The following MCUB variants were observed in gnomAD, a reference collection of about 807,000 sequenced individuals.
The protein encoded by MCUB is calcium uniporter regulatory subunit MCUb, mitochondrial.
Under a neutral mutation model 41.4 loss-of-function variants are expected in MCUB, and 46 were observed. The observed-to-expected ratio is 1.11, with a 90% CI of 0.88 to 1.42. The LOEUF (loss-of-function observed/expected upper bound fraction) is 1.42. Ranked by LOEUF, MCUB falls within the 40% of genes most tolerant of loss-of-function variation. MCUB has a pLI of 0.00. For missense variants in MCUB, 403 were observed against 404.9 expected, an observed-to-expected ratio of 1.00 and a Z score of 0.04; for synonymous variants, 148 against 148.2, an observed-to-expected ratio of 1.00 and a Z score of 0.01.
chr4:109,677,306 C>T (rs1729595814), intron 4 of MCUB, among the ~76,000 whole-genome samples: 1 of 152,110 alleles, frequency 6.6e-6, no homozygotes, highest in Non-Finnish European at 1.5e-5. Flanking sequence ...ATTTCAGACT[C>T]ACAGCTGGAG....
chr4:109,586,429 A>G (rs1185690735), intron 1 of MCUB, among the ~76,000 whole-genome samples: 1 of 152,154 alleles, frequency 6.6e-6, no homozygotes, highest in African/African-American at 2.4e-5. Context: ...GTTTGTTATT[A>G]CTGACCTTCT....
chr4:109,607,311 G>A (rs772342281), intron 1 of MCUB, among the ~76,000 whole-genome samples: 5 of 151,714 alleles, frequency 3.3e-5, no homozygotes, highest in African/African-American at 4.8e-5. Context: ...TCTGCCTCTC[G>A]GGTTCAAGCA....
intron 1 of MCUB, among the ~76,000 whole-genome samples, chr4:109,600,123 C>T (rs1561222885): frequency 4.6e-5 from 7 of 152,208 alleles, no homozygotes; most frequent in Admixed American, 3.9e-4. Flanking sequence ...AACCCATTTC[C>T]ACTGTTGGAA....
rs56019885 is a variant in MCUB at position 109,635,821 on chromosome 4, T to C, written c.100-23190T>C. Reference sequence around the variant, plus strand: ...AAAAGCCCTGGTGTTTCTCCACTCATCCGAGCCGTATCATTTGTACTGATG... The same window carrying C: ...AAAAGCCCTGGTGTTTCTCCACTCACCCGAGCCGTATCATTTGTACTGATG... On this transcript the variant is annotated intron_variant, in intron 1 of 7. Transcript: ENST00000394650. Among the ~76,000 whole-genome samples, 378 of 152,326 alleles carry C rather than the reference T, an allele frequency of 2.5e-3. 4 individuals carry two copies. The highest frequency in any genetic ancestry group is 8.7e-3 in the African/African-American group (360 of 41,558).
Position 109,653,669 on chromosome 4 carries a change from C to T in MCUB, c.100-5342C>T, listed in dbSNP as rs180800455. The stretch of plus-strand genomic sequence containing the variant: ...TTGGCTTACTGCAAACTCCACCTCC[C>T]GGGTTCGAGTGAGTCTTCTGCCTCA... On this transcript the variant is annotated intron_variant, in intron 1 of 7. Coordinates refer to ENST00000394650, the MANE Select transcript of MCUB (RefSeq NM_017918.5). Among the ~76,000 whole-genome samples, 28 of 152,112 alleles carry T rather than the reference C, an allele frequency of 1.8e-4. 1 individual carries two copies. Among genetic ancestry groups the T allele is most frequent in the African/African-American group, 5.3e-4 (22 of 41,522 alleles).
At chr4:109,680,947 A>G (rs1729701406) in intron 4 of MCUB, among the ~76,000 whole-genome samples, 1 of 152,190 alleles carries the variant, frequency 6.6e-6, no homozygotes. Context: ...TTTTATATGG[A>G]CTTATAAACC....
chr4:109,614,563 T>C (rs1054658372), intron 1 of MCUB, among the ~76,000 whole-genome samples: 2 of 151,360 alleles, frequency 1.3e-5, no homozygotes, highest in African/African-American at 4.9e-5. Context: ...CTAATGAACT[T>C]CCAAGCCTCC....
chr4:109,595,477 A>C (rs1727532582), intron 1 of MCUB, among the ~76,000 whole-genome samples: 1 of 140,382 alleles, frequency 7.1e-6, no homozygotes, highest in Non-Finnish European at 1.6e-5. Context: ...AAGAATGGAA[A>C]ATTAGAAAAA....
At chr4:109,584,331 C>T (rs374152021) in intron 1 of MCUB, among the ~76,000 whole-genome samples, 1 of 151,768 alleles carries the variant, frequency 6.6e-6, no homozygotes, top group East Asian at 1.9e-4. Flanking sequence ...CTACTTGATT[C>T]TTCTCTCTCT....
intron 1 of MCUB, among the ~76,000 whole-genome samples, chr4:109,657,353 A>G (rs1337062034): frequency 6.6e-6 from 1 of 151,910 alleles, no homozygotes; most frequent in Non-Finnish European, 1.5e-5. Flanking sequence ...TTACTTATTG[A>G]TGAGGTTCTT....
At chr4:109,685,491 A>G (rs187968766) in intron 7 of MCUB, 124 bp downstream of exon 7, 1 of 512,736 alleles carries the variant, frequency 2.0e-6, no homozygotes, top group Non-Finnish European at 3.5e-6. Flanking sequence ...GTGTTGTGGG[A>G]TTGTTCATTG....
chr4:109,575,550 T>C (rs1727007541), intron 1 of MCUB, among the ~76,000 whole-genome samples: 2 of 152,206 alleles, frequency 1.3e-5, no homozygotes, highest in Non-Finnish European at 2.9e-5. Context: ...TTATTCAATT[T>C]AGTGGGATTG....
At chr4:109,668,895 G>A (rs957096295) in intron 4 of MCUB, among the ~76,000 whole-genome samples, 4 of 151,680 alleles carry the variant, frequency 2.6e-5, no homozygotes, top group East Asian at 3.9e-4. Context: ...ATTGCTTCAC[G>A]GCTAGTGCAA....
intron 1 of MCUB, among the ~76,000 whole-genome samples, chr4:109,636,041 G>A (rs1171646784): frequency 6.6e-6 from 1 of 152,188 alleles, no homozygotes; most frequent in Non-Finnish European, 1.5e-5. Context: ...CAACAGTAGT[G>A]TACAAAAGTT....
At chr4:109,658,477 A>G (rs1445911074) in intron 1 of MCUB, among the ~76,000 whole-genome samples, 2 of 152,018 alleles carry the variant, frequency 1.3e-5, no homozygotes, top group Non-Finnish European at 2.9e-5. Flanking sequence ...TTGTATTTTT[A>G]GTGGAGACAG....
At chr4:109,686,964 GT>G (rs149021049) in intron 7 of MCUB, among the ~76,000 whole-genome samples, 26 of 148,566 alleles carry the variant, frequency 1.8e-4, no homozygotes, top group East Asian at 1.6e-3. Context: ...TAGGTTAAGG[GT>G]TTTTTTTTTA....
Position 109,577,899 on chromosome 4 carries a change from C to T in MCUB, c.99+17463C>T, listed in dbSNP as rs183573553. Among the ~76,000 whole-genome samples the T allele has an allele frequency of 7.0e-5, 2 of 28,524 alleles. 1 individual carries two copies. The highest frequency in any genetic ancestry group is 2.1e-3 in the East Asian group (2 of 962). 18.7% of individuals were successfully genotyped at this position (28,524 alleles called of 152,430 possible). On this transcript the variant is annotated intron_variant, in intron 1 of 7. Transcript: ENST00000394650. ...TGCTGGGATTACAGGTGTGAGCCAC[C>T]GCGCCCGGCCGGGTACTTGAATTCT...
chr4:109,684,723 G>T, intron 6 of MCUB, 77 bp downstream of exon 6: 1 of 718,086 alleles, frequency 1.4e-6, no homozygotes, highest in Non-Finnish European at 2.4e-6. Context: ...GAGCAAAAAA[G>T]CCTTTTTATT....
At chr4:109,630,661 A>G (rs1728455646) in intron 1 of MCUB, among the ~76,000 whole-genome samples, 1 of 152,086 alleles carries the variant, frequency 6.6e-6, no homozygotes, top group Admixed American at 6.5e-5. Flanking sequence ...GGCTCACCGC[A>G]ACCTCTGCCT....
Sources: gnomAD v4.1 joint callset for allele counts (sites outside exome capture counted in the v4.1 genomes callset) on GRCh38, gnomAD v4.1.1 for gene constraint, MANE v1.5 for transcripts, NCBI Gene and HGNC (gene_info 2026-07-23, HGNC 2026-07-21) for gene names.